The following DNM3 variants were observed in gnomAD, a reference collection of about 807,000 sequenced individuals.
DNM3 encodes dynamin 3, also known as dynamin-3.
A neutral mutation model predicts 101.6 loss-of-function variants in DNM3; 47 were observed. The observed-to-expected ratio is 0.46, with a 90% CI of 0.37 to 0.59. The LOEUF (loss-of-function observed/expected upper bound fraction) is 0.59, where lower values mean the gene tolerates loss of function less well. DNM3 is among the 20% of genes least tolerant of loss of function. DNM3 has a pLI of 0.00. For missense variants in DNM3, 849 were observed against 1,085.7 expected (o/e 0.78, Z 3.06); for synonymous variants, 385 against 387.9 (o/e 0.99, Z 0.09).
rs554118950 is a variant in DNM3 at position 172,208,483 on chromosome 1, A to T, written c.1660-45090A>T. ...GTAGGTGGGGTTTATCAATCAGTTG[A>T]AGGCTAAGTCTGAGATCTCCGAGGA... On this transcript the variant is annotated intron_variant, in intron 14 of 20. Coordinates refer to ENST00000627582, the MANE Select transcript of DNM3 (RefSeq NM_015569.5). 1.2e-4 allele frequency among the ~76,000 whole-genome samples: 18 copies of T among 152,196 alleles called. No homozygotes were observed. In the South Asian group the frequency reaches 3.7e-3, roughly 32 times the overall value.
At chr1:172,144,224 C>T (rs1424018125) in intron 14 of DNM3, 2 of 151,528 alleles carry the variant, frequency 1.3e-5, no homozygotes, top group Non-Finnish European at 2.9e-5. Context: ...ATATACCACA[C>T]ACTTTTGCTC....
chr1:171,876,876 A>G (rs10798726), intron 1 of DNM3, among the ~76,000 whole-genome samples: 108,153 of 152,186 alleles, frequency 0.71, 38,551 homozygotes, highest in East Asian at 0.83. Flanking sequence ...TTCTTTTCAA[A>G]GACTTCATTT....
intron 14 of DNM3, among the ~76,000 whole-genome samples, chr1:172,171,907 G>T (rs903453859): frequency 1.3e-4 from 20 of 151,672 alleles, no homozygotes; most frequent in African/African-American, 4.4e-4. Flanking sequence ...TGAGAAAAGG[G>T]GATGGGGGAT....
intron 1 of DNM3, among the ~76,000 whole-genome samples, chr1:171,871,864 G>GTTTTTTTTTT (rs57412557): frequency 7.3e-6 from 1 of 136,448 alleles, no homozygotes; most frequent in East Asian, 2.0e-4. Context: ...TTGTTGTCTT[G>GTTTTTTTTTT]TTTTTTTTTT....
intron 4 of DNM3, among the ~76,000 whole-genome samples, chr1:172,003,365 A>T (rs2046469666): frequency 2.0e-5 from 3 of 152,042 alleles, no homozygotes; most frequent in Admixed American, 2.0e-4. Context: ...AAAAGTTGTT[A>T]TAAAAACATA....
At chr1:172,353,539 C>T (rs1261863759) in intron 17 of DNM3, among the ~76,000 whole-genome samples, 1 of 152,118 alleles carries the variant, frequency 6.6e-6, no homozygotes, top group Non-Finnish European at 1.5e-5. Context: ...CTGACCTAAT[C>T]ACAGATTCTT....
intron 15 of DNM3, among the ~76,000 whole-genome samples, chr1:172,294,189 C>T (rs1432797880): frequency 6.6e-6 from 1 of 152,174 alleles, no homozygotes; most frequent in Non-Finnish European, 1.5e-5. Flanking sequence ...TTGAAAATTT[C>T]CAACAATAAA....
chr1:172,381,349 G>A (rs1235642017), intron 18 of DNM3, among the ~76,000 whole-genome samples: 2 of 151,944 alleles, frequency 1.3e-5, no homozygotes, highest in Non-Finnish European at 2.9e-5. Flanking sequence ...ATGTAGTGCT[G>A]AATTCTTATG....
intron 15 of DNM3, among the ~76,000 whole-genome samples, chr1:172,275,820 C>A (rs1000522750): frequency 6.6e-6 from 1 of 152,046 alleles, no homozygotes; most frequent in African/African-American, 2.4e-5. Flanking sequence ...GAAATTTCTC[C>A]TTGAAGAGTA....
intron 12 of DNM3, among the ~76,000 whole-genome samples, chr1:172,091,266 C>A (rs1026307034): frequency 1.3e-5 from 2 of 152,142 alleles, no homozygotes; most frequent in Non-Finnish European, 2.9e-5. Flanking sequence ...GACGCAAACC[C>A]CTGCTCATTA....
In DNM3 at chr1:172,154,852, T is replaced by A. The variant is rs2058277141; in HGVS notation, c.1659+23564T>A. 2.0e-5 allele frequency among the ~76,000 whole-genome samples: 3 copies of A among 152,090 alleles called. No individual in the cohort carries two copies. In the South Asian group the frequency reaches 6.2e-4, roughly 31 times the overall value. On this transcript the variant is annotated intron_variant, in intron 14 of 20. Transcript: ENST00000627582. ...AGTCTTTGGTAGGCAGACATTATTC[T>A]GAGAATGAGAAGAGGGAAGGAAGCA... is the stretch of plus-strand genomic sequence containing the variant.
chr1:172,071,119 A>ATATATATATATATATATATATC (rs1553362100), intron 11 of DNM3, among the ~76,000 whole-genome samples: 1 of 125,150 alleles, frequency 8.0e-6, no homozygotes, highest in Non-Finnish European at 1.7e-5. Context: ...ATATATATAT[A>ATATATATATATATATATATATC]TCTTAGTTCT....
At chr1:172,008,583 ATT>A (rs59449917) in intron 4 of DNM3, among the ~76,000 whole-genome samples, 1 of 141,738 alleles carries the variant, frequency 7.1e-6, no homozygotes, top group Non-Finnish European at 1.5e-5. Flanking sequence ...TAGGTCTGCA[ATT>A]TTTTTTTTTT....
intron 1 of DNM3, among the ~76,000 whole-genome samples, chr1:171,847,853 G>C (rs142176632): frequency 6.6e-6 from 1 of 150,852 alleles, no homozygotes; most frequent in African/African-American, 2.4e-5. Flanking sequence ...CAACAAATTA[G>C]AGGGTTCATT....
intron 4 of DNM3, among the ~76,000 whole-genome samples, chr1:171,992,891 G>A (rs888645491): frequency 1.3e-5 from 2 of 151,050 alleles, no homozygotes; most frequent in African/African-American, 2.4e-5. Context: ...TATTTTCTTA[G>A]TGGTTGCCAT....
intron 14 of DNM3, among the ~76,000 whole-genome samples, chr1:172,195,149 A>G (rs1470967475): frequency 6.6e-6 from 1 of 151,628 alleles, no homozygotes; most frequent in Non-Finnish European, 1.5e-5. Flanking sequence ...AGGGAATCAC[A>G]TTTCAAAATG....
intron 14 of DNM3, among the ~76,000 whole-genome samples, chr1:172,219,613 C>G (rs567951818): frequency 2.6e-5 from 4 of 151,998 alleles, no homozygotes; most frequent in Non-Finnish European, 4.4e-5. Context: ...GTCAAGGGAG[C>G]CTTCACAGAG....
Position 172,411,538 on chromosome 1 carries a change from T to TAA in DNM3, c.*3711_*3712dup, listed in dbSNP as rs57654638. On this transcript the variant is annotated 3_prime_UTR_variant, in exon 21 of 21. Coordinates refer to ENST00000627582, the MANE Select transcript of DNM3 (RefSeq NM_015569.5). ...AGTCATTTTTCCTCTATGGTAGAAG[T>TAA]AAAAAAAAAAAAAAAGGACATAGCA... 1.3e-3 allele frequency: 1,211 copies of TAA among 932,208 alleles called. No individual in the cohort carries two copies. Among genetic ancestry groups the TAA allele is most frequent in the South Asian group, 2.5e-3 (50 of 20,030 alleles). The allele number at this position is 932,208 out of a possible 1,614,324, so 57.7% of individuals were successfully genotyped here.
intron 14 of DNM3, among the ~76,000 whole-genome samples, chr1:172,146,224 T>C (rs2057890686): frequency 6.6e-6 from 1 of 152,320 alleles, no homozygotes; most frequent in South Asian, 2.1e-4. Flanking sequence ...CTGCATTGTA[T>C]ATTTCAAAAA....
Sources: allele counts gnomAD v4.1 joint callset (sites outside exome capture counted in the v4.1 genomes callset), GRCh38; gene constraint gnomAD v4.1.1; transcripts MANE v1.5; gene names NCBI Gene and HGNC (gene_info 2026-07-23, HGNC 2026-07-21).